KCNH1: variants seen among roughly 807,000 people sequenced by gnomAD.
The protein encoded by KCNH1 is potassium voltage-gated channel subfamily H member 1.
KCNH1 carries 27 observed loss-of-function variants against 69.2 expected under a neutral mutation model. That is an observed-to-expected ratio of 0.39 (90% CI 0.29 to 0.54). KCNH1 has a LOEUF of 0.54. Among genes scored for constraint, KCNH1 ranks in the 20% least tolerant of loss-of-function variants. The probability of loss-of-function intolerance (pLI) is 0.68; values close to 1 mark genes in which losing one functional copy is unlikely to be tolerated. For missense variants in KCNH1, 798 were observed against 1,261.6 expected (o/e 0.63, Z 5.57); for synonymous variants, 456 against 487.7 (o/e 0.93, Z 0.86).
chr1:211,114,185 A>G (rs955968365), intron 1 of KCNH1, among the ~76,000 whole-genome samples: 3 of 152,070 alleles, frequency 2.0e-5, no homozygotes, highest in Admixed American at 1.3e-4. Context: ...AAGGAACAAG[A>G]GGGGAAAAAT....
intron 10 of KCNH1, among the ~76,000 whole-genome samples, chr1:210,772,380 GA>G (rs546504976): frequency 2.3e-4 from 34 of 150,250 alleles, no homozygotes; most frequent in African/African-American, 6.3e-4. Context: ...ACTTTACCAG[GA>G]AAAAAAAATA....
intron 7 of KCNH1, among the ~76,000 whole-genome samples, chr1:210,808,441 C>G (rs1038739479): frequency 5.3e-5 from 8 of 152,172 alleles, no homozygotes; most frequent in African/African-American, 1.9e-4. Context: ...CTGAGGCATT[C>G]TGGAAGGTTA....
At chr1:210,774,824 T>C (rs1160558949) in intron 10 of KCNH1, among the ~76,000 whole-genome samples, 1 of 152,160 alleles carries the variant, frequency 6.6e-6, no homozygotes, top group Non-Finnish European at 1.5e-5. Flanking sequence ...TAGTTGGGAG[T>C]TGAATGCAAA....
At chr1:210,820,607 C>G (rs1684909619) in intron 7 of KCNH1, among the ~76,000 whole-genome samples, 1 of 152,124 alleles carries the variant, frequency 6.6e-6, no homozygotes, top group African/African-American at 2.4e-5. Context: ...ACACTCCAGC[C>G]TGGGCGACAG....
intron 3 of KCNH1, among the ~76,000 whole-genome samples, chr1:211,094,184 C>T (rs1691104813): frequency 6.6e-6 from 1 of 152,178 alleles, no homozygotes; most frequent in African/African-American, 2.4e-5. Flanking sequence ...CACCTCAGAT[C>T]ATCAGGCATT....
intron 6 of KCNH1, among the ~76,000 whole-genome samples, chr1:210,922,841 T>C (rs898517198): frequency 6.6e-6 from 1 of 152,178 alleles, no homozygotes; most frequent in Non-Finnish European, 1.5e-5. Context: ...CAAAGGAGTG[T>C]TTTTGATGAC....
intron 10 of KCNH1, among the ~76,000 whole-genome samples, chr1:210,724,868 G>T (rs1424060175): frequency 1.3e-5 from 2 of 152,114 alleles, no homozygotes; most frequent in African/African-American, 4.8e-5. Flanking sequence ...ATTTTCTAGG[G>T]CAACATCATC....
chr1:211,052,662 G>C (rs1236767811), intron 5 of KCNH1, among the ~76,000 whole-genome samples: 1 of 152,154 alleles, frequency 6.6e-6, no homozygotes, highest in Non-Finnish European at 1.5e-5. Context: ...TAGAAAAAGG[G>C]GTAACATTTT....
intron 5 of KCNH1, among the ~76,000 whole-genome samples, chr1:211,037,078 C>A (rs79585854): frequency 4.8e-4 from 73 of 152,310 alleles, no homozygotes; most frequent in African/African-American, 1.7e-3. Context: ...GACTGACTAA[C>A]CTATCACATT....
At chr1:210,766,552 T>C (rs996388278) in intron 10 of KCNH1, among the ~76,000 whole-genome samples, 1 of 152,076 alleles carries the variant, frequency 6.6e-6, no homozygotes, top group Non-Finnish European at 1.5e-5. Context: ...TAATGAGAGC[T>C]ACAAAGAGGT....
At chr1:211,106,486 T>TA (rs150740223) in intron 2 of KCNH1, among the ~76,000 whole-genome samples, 17,978 of 152,096 alleles carry the variant, frequency 0.12, 1,192 homozygotes, top group South Asian at 0.18. Flanking sequence ...TTTTCTGAAG[T>TA]AAAAAACTTT....
Position 210,797,680 on chromosome 1 carries a change from G to A in KCNH1, c.1743C>T (p.Ala581=). 6.2e-7 allele frequency: 1 copy of A among 1,614,252 alleles called. No individual in the cohort carries two copies. Among genetic ancestry groups the A allele is most frequent in the East Asian group, 2.2e-5 (1 of 44,882 alleles). The change falls in exon 9 of 11, where the codon GCC becomes GCT. Residue 581 remains alanine, a synonymous_variant. Transcript: ENST00000271751. ...LNRKVFKEHP[A]FRLASDGCLR... ...GGCAGCCATCACTGGCCAGCCGGAA[G>A]GCCGGGTGCTCCTTGAACACCTTGC...
chr1:210,719,711 TAAAA>T (rs763824649), intron 10 of KCNH1, among the ~76,000 whole-genome samples: 16 of 148,496 alleles, frequency 1.1e-4, no homozygotes, highest in African/African-American at 3.7e-4. Flanking sequence ...TAAAGTAAAA[TAAAA>T]AAAAAATAAG....
At position 210,683,661 on chromosome 1, in the gene KCNH1, C is replaced by T. The variant is rs148523415; in HGVS notation, c.2590G>A (p.Glu864Lys). 3.1e-6 allele frequency: 5 copies of T among 1,614,212 alleles called. No individual in the cohort carries two copies. The highest frequency in any genetic ancestry group is 1.1e-5 in the South Asian group (1 of 91,078). The stretch of plus-strand genomic sequence containing the variant: ...GCCTCGCCTGACGCTTTTGTCCTCT[C>T]GGGAAGTGTCTCCATCGACTCAGCC... ...SKAESMETLP[E>K]RTKASGEATL... is the part of the protein sequence containing the mutation. Residue 864 changes from glutamate (E) to lysine (K), a missense_variant, in exon 11 of 11, where the codon GAG (glutamate) becomes AAG (lysine). By Grantham distance (56) the Glu-to-Lys change is moderately conservative. Transcript: ENST00000271751. The surrounding 1 kb of genome is among the most constrained non-coding windows in gnomAD (Gnocchi z 5.7).
intron 7 of KCNH1, among the ~76,000 whole-genome samples, chr1:210,870,412 C>A (rs2102493886): frequency 6.6e-6 from 1 of 152,218 alleles, no homozygotes; most frequent in South Asian, 2.1e-4. Context: ...TTTGGGTTTC[C>A]CAGCACAAGA....
At position 210,933,311 on chromosome 1, in the gene KCNH1, A is replaced by T. The variant is rs565585785; in HGVS notation, c.1033-13242T>A. Among the ~76,000 whole-genome samples the T allele has an allele frequency of 7.2e-5, 11 of 152,216 alleles. No homozygotes were observed. The South Asian group carries it at 1.5e-3, about 20-fold the overall frequency. The stretch of plus-strand genomic sequence containing the variant: ...TCTCACTCATAGGTGGGAATTGAAC[A>T]ATGAGAACACATGGACACAGCAAGG... On this transcript the variant is annotated intron_variant, in intron 6 of 10. Coordinates refer to ENST00000271751, the MANE Select transcript of KCNH1 (RefSeq NM_172362.3).
intron 7 of KCNH1, among the ~76,000 whole-genome samples, chr1:210,852,083 T>C (rs376823568): frequency 2.0e-5 from 3 of 152,184 alleles, no homozygotes; most frequent in African/African-American, 7.2e-5. Context: ...AAAAAAACAA[T>C]GTGCTTAGAA....
In KCNH1 at chr1:210,910,769, T is replaced by G. The variant is rs150771235; in HGVS notation, c.1462+8871A>C. Among the ~76,000 whole-genome samples, 505 of 152,396 alleles carry G rather than the reference T, an allele frequency of 3.3e-3. 2 individuals carry two copies. Among genetic ancestry groups the G allele is most frequent in the African/African-American group, 0.012 (479 of 41,588 alleles). On this transcript the variant is annotated intron_variant, in intron 7 of 10. Transcript: ENST00000271751. ...GGGAGAGGTGAATAAAGAATGTGTATAATGTGCTCTGCACACAGTATATGT... is the reference window on the plus strand; with the variant it reads ...GGGAGAGGTGAATAAAGAATGTGTAGAATGTGCTCTGCACACAGTATATGT...
intron 5 of KCNH1, among the ~76,000 whole-genome samples, chr1:211,056,816 C>T (rs543646959): frequency 1.9e-4 from 29 of 152,346 alleles, no homozygotes; most frequent in African/African-American, 6.5e-4. Context: ...TACGAGTCTG[C>T]AAGAGCCACA....
Sources: gnomAD v4.1 joint callset for allele counts (sites outside exome capture counted in the v4.1 genomes callset) on GRCh38, gnomAD v4.1.1 for gene constraint, Gnocchi (gnomAD v3.1) non-coding constraint, MANE v1.5 for transcripts, NCBI Gene and HGNC (gene_info 2026-07-23, HGNC 2026-07-21) for gene names.